Variants in HYCC2 observed in about 807,000 individuals in gnomAD.
HYCC2 encodes hyccin PI4KA lipid kinase complex subunit 2.
the HYCC2 span, among the ~76,000 whole-genome samples, chr2:201,026,534 C>T: frequency 2.6e-5 from 4 of 152,208 alleles, no homozygotes; most frequent in Admixed American, 2.6e-4. Context: ...CTACATCACA[C>T]TTATTCCAAA....
the HYCC2 span, chr2:200,974,975 TA>T: frequency 2.6e-5 from 4 of 151,978 alleles, no homozygotes; most frequent in Admixed American, 1.3e-4. Flanking sequence ...AATGCCCCCC[TA>T]AATTTTACTT....
the HYCC2 span, among the ~76,000 whole-genome samples, chr2:200,986,451 T>C: frequency 2.0e-5 from 3 of 152,226 alleles, no homozygotes; most frequent in Admixed American, 6.5e-5. Context: ...CATTAAATAA[T>C]TTTTAAAAAA....
chr2:200,974,973 C>T, the HYCC2 span: 2 of 151,940 alleles, frequency 1.3e-5, no homozygotes, highest in African/African-American at 2.4e-5. Context: ...ATAATGCCCC[C>T]CTAAATTTTA....
chr2:200,981,827 C>T, the HYCC2 span: 1 of 1,613,960 alleles, frequency 6.2e-7, no homozygotes. The surrounding 1 kb of genome is among the most constrained non-coding windows in gnomAD (Gnocchi z 4.5). Flanking sequence ...TCATCTGCAT[C>T]ATTCAGGTTT....
At chr2:200,992,929 G>A in the HYCC2 span, 2 of 1,613,442 alleles carry the variant, frequency 1.2e-6, no homozygotes, top group Non-Finnish European at 1.7e-6. Context: ...CATAAATTCA[G>A]GATCCAATAC....
At chr2:201,067,448 C>T in the HYCC2 span, among the ~76,000 whole-genome samples, 1 of 152,060 alleles carries the variant, frequency 6.6e-6, no homozygotes, top group Non-Finnish European at 1.5e-5. Context: ...TATTTCAAAC[C>T]TAGAAAGTAC....
the HYCC2 span, among the ~76,000 whole-genome samples, chr2:201,027,220 T>C: frequency 2.0e-5 from 3 of 152,182 alleles, no homozygotes; most frequent in East Asian, 3.9e-4. Flanking sequence ...CTAGAAGAAA[T>C]GGATAAATTC....
At chr2:201,006,310 T>G in the HYCC2 span, among the ~76,000 whole-genome samples, 1 of 150,924 alleles carries the variant, frequency 6.6e-6, no homozygotes, top group Admixed American at 6.6e-5. Flanking sequence ...TTTTTTTTTT[T>G]TGTATTTTTT....
At chr2:201,025,644 G>A in the HYCC2 span, among the ~76,000 whole-genome samples, 3 of 152,128 alleles carry the variant, frequency 2.0e-5, no homozygotes, top group African/African-American at 7.2e-5. Flanking sequence ...TATATAAAAG[G>A]TCCTGTGGTA....
At chr2:200,981,311 G>A in the HYCC2 span, 2 of 1,614,014 alleles carry the variant, frequency 1.2e-6, no homozygotes, top group Non-Finnish European at 1.7e-6. The surrounding 1 kb of genome is among the most constrained non-coding windows in gnomAD (Gnocchi z 4.5). Flanking sequence ...CTTGGGGATC[G>A]AGACTGCTTG....
the HYCC2 span, among the ~76,000 whole-genome samples, chr2:201,040,008 A>C: frequency 6.6e-6 from 1 of 152,142 alleles, no homozygotes; most frequent in South Asian, 2.1e-4. Context: ...CCCCGTCTCT[A>C]CTAAAAATAC....
the HYCC2 span, among the ~76,000 whole-genome samples, chr2:201,043,718 C>T: frequency 6.6e-6 from 1 of 151,914 alleles, no homozygotes; most frequent in Non-Finnish European, 1.5e-5. Flanking sequence ...CTGTGCTAGC[C>T]AGGATGGTCT....
the HYCC2 span, chr2:201,008,983 C>T: frequency 1.2e-6 from 2 of 1,604,514 alleles, no homozygotes; most frequent in Non-Finnish European, 1.7e-6. Flanking sequence ...CGGTTCTGTG[C>T]AGTGAATGTT....
the HYCC2 span, among the ~76,000 whole-genome samples, chr2:201,012,950 A>T: frequency 3.8e-5 from 4 of 106,392 alleles, no homozygotes; most frequent in Non-Finnish European, 5.6e-5. Context: ...CGTTTCAAAA[A>T]ATACACACAC....
At chr2:201,005,721 CA>C in the HYCC2 span, among the ~76,000 whole-genome samples, 10 of 152,130 alleles carry the variant, frequency 6.6e-5, no homozygotes. Context: ...AAATAGAGAC[CA>C]ACACGATGGT....
chr2:201,030,742 C>T, the HYCC2 span, among the ~76,000 whole-genome samples: 1 of 152,214 alleles, frequency 6.6e-6, no homozygotes, highest in Admixed American at 6.5e-5. Flanking sequence ...CCACACCCAG[C>T]TAATTTTTGT....
chr2:201,001,110 C>T, the HYCC2 span, among the ~76,000 whole-genome samples: 2 of 150,820 alleles, frequency 1.3e-5, no homozygotes, highest in Admixed American at 6.6e-5. Context: ...TGCACTCCAG[C>T]CTGGGTGACA....
At chr2:200,998,755 G>A in the HYCC2 span, among the ~76,000 whole-genome samples, 7 of 152,096 alleles carry the variant, frequency 4.6e-5, no homozygotes, top group African/African-American at 1.2e-4. Context: ...TTAAATCCTC[G>A]GGTAGGAACT....
chr2:201,049,598 C>T, the HYCC2 span, among the ~76,000 whole-genome samples: 2 of 152,006 alleles, frequency 1.3e-5, no homozygotes, highest in African/African-American at 4.8e-5. Context: ...CGTGATCCAC[C>T]CGCCTTGGCC....
Sources: allele counts gnomAD v4.1 joint callset (sites outside exome capture counted in the v4.1 genomes callset), GRCh38; gene constraint gnomAD v4.1.1; non-coding constraint Gnocchi (gnomAD v3.1); transcripts MANE v1.5; gene names NCBI Gene and HGNC (gene_info 2026-07-23, HGNC 2026-07-21).